The following TTC17 variants were observed in gnomAD, a reference collection of about 807,000 sequenced individuals.
The protein encoded by TTC17 is tetratricopeptide repeat protein 17.
TTC17 carries 58 observed loss-of-function variants against 143.8 expected under a neutral mutation model. The observed-to-expected ratio is 0.40, with a 90% CI of 0.33 to 0.50. The LOEUF (loss-of-function observed/expected upper bound fraction) is 0.50, where lower values mean the gene tolerates loss of function less well. Ranked by LOEUF, TTC17 falls within the 20% of genes least tolerant of loss-of-function variation. The probability of loss-of-function intolerance (pLI) is 0.49; values close to 1 mark genes in which losing one functional copy is unlikely to be tolerated. For missense variants in TTC17, 1,273 were observed against 1,392.5 expected, an observed-to-expected ratio of 0.91 and a Z score of 1.37; for synonymous variants, 501 against 497.8, an observed-to-expected ratio of 1.01 and a Z score of -0.09.
chr11:43,482,461 T>C (rs1948305433), intron 21 of TTC17, among the ~76,000 whole-genome samples: 1 of 152,130 alleles, frequency 6.6e-6, no homozygotes, highest in Non-Finnish European at 1.5e-5. Context: ...AGGAGTATGA[T>C]ATTTAGTTTC....
At chr11:43,383,024 T>G (rs1857030979) in intron 2 of TTC17, among the ~76,000 whole-genome samples, 1 of 151,928 alleles carries the variant, frequency 6.6e-6, no homozygotes, top group African/African-American at 2.4e-5. Flanking sequence ...CTCAGCCTCT[T>G]GTGTAGCTGG....
intron 8 of TTC17, among the ~76,000 whole-genome samples, chr11:43,398,731 CAGAAGTGA>C (rs1199709697): frequency 6.6e-5 from 10 of 152,154 alleles, no homozygotes; most frequent in African/African-American, 2.4e-4. Context: ...CATGTTAACT[CAGAAGTGA>C]ATTTTTCATA....
At chr11:43,370,292 C>T (rs1590310363) in intron 1 of TTC17, 1 of 264,538 alleles carries the variant, frequency 3.8e-6, no homozygotes, top group African/African-American at 2.2e-5. Context: ...ACCATAGTAG[C>T]CTGGAAGGGA....
At chr11:43,386,646 T>A (rs1428488247) in intron 2 of TTC17, among the ~76,000 whole-genome samples, 3 of 152,202 alleles carry the variant, frequency 2.0e-5, no homozygotes, top group African/African-American at 7.2e-5. Flanking sequence ...AAGTTTTTCT[T>A]CAAATGACAA....
At chr11:43,436,542 A>C (rs1433154950) in intron 16 of TTC17, among the ~76,000 whole-genome samples, 1 of 152,200 alleles carries the variant, frequency 6.6e-6, no homozygotes, top group Non-Finnish European at 1.5e-5. Context: ...TGCTAGAACA[A>C]ATCTGATTTG....
intron 16 of TTC17, among the ~76,000 whole-genome samples, chr11:43,417,434 T>C (rs1196289387): frequency 1.3e-5 from 2 of 152,214 alleles, no homozygotes; most frequent in Non-Finnish European, 2.9e-5. Flanking sequence ...CTGTTTCAAG[T>C]ATTTATTATG....
chr11:43,470,084 T>A (rs1948064329), intron 21 of TTC17, among the ~76,000 whole-genome samples: 1 of 151,950 alleles, frequency 6.6e-6, no homozygotes, highest in African/African-American at 2.4e-5. Flanking sequence ...ACAACAATAA[T>A]AAAACAATAA....
chr11:43,447,728 C>T (rs1272901521), intron 18 of TTC17: 4 of 312,556 alleles, frequency 1.3e-5, no homozygotes, highest in Non-Finnish European at 2.3e-5. Context: ...TGAAGAATGC[C>T]TTAACCCCTT....
At chr11:43,492,463 C>G (rs1948491340) in intron 23 of TTC17, among the ~76,000 whole-genome samples, 1 of 152,208 alleles carries the variant, frequency 6.6e-6, no homozygotes, top group Non-Finnish European at 1.5e-5. Context: ...AAAACCTCTC[C>G]TAACACTCCA....
chr11:43,417,889 A>G (rs908981893), intron 16 of TTC17, among the ~76,000 whole-genome samples: 2 of 152,234 alleles, frequency 1.3e-5, no homozygotes, highest in African/African-American at 4.8e-5. Flanking sequence ...TACAGCAACT[A>G]TAATATAGTA....
At chr11:43,446,239 G>T (rs1200696981) in intron 18 of TTC17, 2 of 1,157,230 alleles carry the variant, frequency 1.7e-6, no homozygotes, top group Admixed American at 3.9e-5. Flanking sequence ...GCCCTCTGCC[G>T]TGCTAAAATA....
At chr11:43,359,569 G>A (rs1856012233) in intron 1 of TTC17, among the ~76,000 whole-genome samples, 1 of 152,204 alleles carries the variant, frequency 6.6e-6, no homozygotes, top group Non-Finnish European at 1.5e-5. Context: ...CTAGCCTGTG[G>A]ACCATTCGTG....
intron 1 of TTC17, 83 bp downstream of exon 1, chr11:43,359,196 C>T (rs954759730): frequency 7.0e-6 from 10 of 1,424,880 alleles, no homozygotes; most frequent in Non-Finnish European, 9.2e-6. Context: ...CTGTTGGGCT[C>T]CGCGCGGCCC....
At chr11:43,484,311 A>G (rs1458572692) in intron 21 of TTC17, among the ~76,000 whole-genome samples, 1 of 152,204 alleles carries the variant, frequency 6.6e-6, no homozygotes, top group Non-Finnish European at 1.5e-5. Flanking sequence ...AAAAAGTTGC[A>G]TTTCTGTACA....
At chr11:43,397,617 A>AT in intron 7 of TTC17, 126 bp downstream of exon 7, 1 of 1,127,306 alleles carries the variant, frequency 8.9e-7, no homozygotes, top group Non-Finnish European at 1.2e-6. Flanking sequence ...TGGAAATGAA[A>AT]TTAGGAGGAA....
chr11:43,368,760 C>G (rs1236565815), intron 1 of TTC17, among the ~76,000 whole-genome samples: 1 of 152,188 alleles, frequency 6.6e-6, no homozygotes, highest in Non-Finnish European at 1.5e-5. Flanking sequence ...TCAGTAGTTT[C>G]CCATCATACT....
intron 21 of TTC17, among the ~76,000 whole-genome samples, chr11:43,455,757 GC>G (rs1387458150): frequency 6.6e-6 from 1 of 151,888 alleles, no homozygotes; most frequent in African/African-American, 2.4e-5. Context: ...AGCACACTAG[GC>G]CCAGATACTT....
At chr11:43,391,398 CTAAA>C in intron 3 of TTC17, 63 bp from the exon 4 acceptor site, 2 of 1,098,724 alleles carry the variant, frequency 1.8e-6, no homozygotes, top group Non-Finnish European at 2.7e-6. Context: ...GACCCTTTCT[CTAAA>C]TAAATAAATA....
rs559332810 is a variant in TTC17 at position 43,368,311 on chromosome 11, C to G, written c.159+9198C>G. On this transcript the variant is annotated intron_variant, in intron 1 of 23. Coordinates refer to ENST00000039989, the MANE Select transcript of TTC17 (RefSeq NM_018259.6). ...TCAACTTCTTCCTGAACTTCAGACT[C>G]ATATATCCAACTGCCTACTGAACAT... is the stretch of plus-strand genomic sequence containing the variant. 3.9e-5 allele frequency among the ~76,000 whole-genome samples: 6 copies of G among 152,294 alleles called. No homozygotes were observed. In the East Asian group the frequency reaches 1.2e-3, roughly 29 times the overall value.
Sources: allele counts gnomAD v4.1 joint callset (sites outside exome capture counted in the v4.1 genomes callset), GRCh38; gene constraint gnomAD v4.1.1; transcripts MANE v1.5; gene names NCBI Gene and HGNC (gene_info 2026-07-23, HGNC 2026-07-21).